GCLM: variants seen among roughly 807,000 people sequenced by gnomAD.
GCLM encodes glutamate--cysteine ligase regulatory subunit.
A neutral mutation model predicts 36.0 loss-of-function variants in GCLM; 15 were observed. The observed-to-expected ratio is 0.42, with a 90% CI of 0.28 to 0.64. GCLM has a LOEUF of 0.64. Ranked by LOEUF, GCLM falls within the 30% of genes least tolerant of loss-of-function variation. The pLI, the probability that GCLM is intolerant of heterozygous loss-of-function variation, is 0.25. For missense variants in GCLM, 242 were observed against 325.5 expected, an observed-to-expected ratio of 0.74 and a Z score of 1.97; for synonymous variants, 129 against 122.8, an observed-to-expected ratio of 1.05 and a Z score of -0.34.
rs1656431443 is a variant in GCLM at position 93,889,092 on chromosome 1, C to T, written c.723G>A (p.Glu241=). The T allele has an allele frequency of 3.1e-6, 5 of 1,602,382 alleles. No homozygotes were observed. The highest frequency in any genetic ancestry group is 4.3e-6 in the Non-Finnish European group (5 of 1,174,434). ...QESIPDIQAH[E]WVPLWLLRYS... ...ACCGCAGTAGCCACAGCGGCACCCA[C>T]TCGTGCGCTTGAATGTCAGGAATGC... is the stretch of plus-strand genomic sequence containing the variant. The change falls in exon 7 of 7, where the codon GAG becomes GAA. Residue 241 remains glutamate (E), a synonymous_variant. Coordinates refer to ENST00000370238, the MANE Select transcript of GCLM (RefSeq NM_002061.4).
At chr1:93,903,474 C>CTTT (rs376727900) in intron 2 of GCLM, among the ~76,000 whole-genome samples, 89 of 131,630 alleles carry the variant, frequency 6.8e-4, no homozygotes, top group African/African-American at 1.4e-3. Context: ...CCACGCCTGG[C>CTTT]TTTTTTTTTT....
In GCLM at chr1:93,895,447, A is replaced by T. The variant is rs546341837; in HGVS notation, c.541-719T>A. Among the ~76,000 whole-genome samples the T allele has an allele frequency of 5.3e-5, 8 of 152,360 alleles. No homozygotes were observed. The South Asian group carries it at 1.7e-3, about 32-fold the overall frequency. ...CAGCTACAGAGCAAATAGTTCTTAA[A>T]GGTAAAGGATCAAATACAAGTAAAT... On this transcript the variant is annotated intron_variant, in intron 5 of 6. Transcript: ENST00000370238.
chr1:93,899,940 G>A (rs933425157), intron 3 of GCLM, among the ~76,000 whole-genome samples: 3 of 151,934 alleles, frequency 2.0e-5, no homozygotes, highest in African/African-American at 7.3e-5. Flanking sequence ...AGTAGCAGAA[G>A]AGCAACAAAA....
intron 1 of GCLM, among the ~76,000 whole-genome samples, chr1:93,907,240 A>G (rs1437591722): frequency 6.6e-6 from 1 of 152,152 alleles, no homozygotes; most frequent in East Asian, 1.9e-4. Context: ...CATTCCTTCA[A>G]GTTTTCCTGA....
chr1:93,907,383 C>T (rs1657181824), intron 1 of GCLM, among the ~76,000 whole-genome samples: 3 of 152,132 alleles, frequency 2.0e-5, no homozygotes, highest in African/African-American at 7.2e-5. Context: ...AAGAAATCAA[C>T]ATTTTAAAAA....
chr1:93,892,642 C>T (rs1357109504), intron 6 of GCLM, among the ~76,000 whole-genome samples: 6 of 152,014 alleles, frequency 3.9e-5, no homozygotes, highest in South Asian at 4.1e-4. Context: ...TTATGTAATA[C>T]AAAAAATATA....
chr1:93,894,601 A>G lies in GCLM; in HGVS notation c.655+13T>C, dbSNP rs1407604805. The G allele has an allele frequency of 2.3e-6, 3 of 1,299,550 alleles. No homozygotes were observed. Among genetic ancestry groups the G allele is most frequent in the Non-Finnish European group, 3.3e-6 (3 of 895,526 alleles). The allele number at this position is 1,299,550 out of a possible 1,614,324, so 80.5% of individuals were successfully genotyped here. On this transcript the variant is annotated intron_variant, in intron 6 of 6. Coordinates refer to ENST00000370238, the MANE Select transcript of GCLM (RefSeq NM_002061.4). ...CTTATGATCAATCTCTATAATGAAA[A>G]TATCAGTTTTACCTTTTGGATCATT...
intron 1 of GCLM, among the ~76,000 whole-genome samples, chr1:93,907,662 T>C (rs1657193812): frequency 2.0e-5 from 3 of 152,214 alleles, no homozygotes; most frequent in African/African-American, 7.2e-5. Flanking sequence ...TAAGAGTCTA[T>C]GTACCGAATA....
intron 6 of GCLM, among the ~76,000 whole-genome samples, 169 bp from the exon 7 acceptor site, chr1:93,889,328 A>C (rs1461844759): frequency 6.6e-6 from 1 of 152,016 alleles, no homozygotes; most frequent in African/African-American, 2.4e-5. Flanking sequence ...GAATATTAGA[A>C]ATTCCCAGGC....
At chr1:93,907,560 T>C (rs373019148) in intron 1 of GCLM, among the ~76,000 whole-genome samples, 190 of 152,334 alleles carry the variant, frequency 1.2e-3, no homozygotes, top group Middle Eastern at 3.4e-3. Context: ...CTTTAGAGTA[T>C]GCTATTGTGA....
chr1:93,909,182 G>C lies in GCLM; in HGVS notation c.-19C>G. 8.1e-7 allele frequency: 1 copy of C among 1,239,900 alleles called. No individual in the cohort carries two copies. 76.8% of individuals were successfully genotyped at this position (1,239,900 alleles called of 1,614,324 possible). A position where few individuals can be genotyped will look rare whatever the true frequency, so the allele number is the denominator to read the frequency against. On this transcript the variant is annotated 5_prime_UTR_variant, in exon 1 of 7. Transcript: ENST00000370238. The stretch of plus-strand genomic sequence containing the variant: ...TGCCCATGGCAGCGGCCGCCCAGGG[G>C]CCGCGCAGCGAAGGGGCTGCGGGCG...
chr1:93,890,551 C>T (rs1158235493), intron 6 of GCLM, among the ~76,000 whole-genome samples: 1 of 152,030 alleles, frequency 6.6e-6, no homozygotes, highest in Non-Finnish European at 1.5e-5. Context: ...ATATTTGTAC[C>T]AGCAATGCTT....
intron 3 of GCLM, among the ~76,000 whole-genome samples, chr1:93,900,254 T>C (rs1402196822): frequency 6.6e-6 from 1 of 152,190 alleles, no homozygotes; most frequent in Admixed American, 6.5e-5. Context: ...CCATCTGAAA[T>C]GGCCTCTTCT....
chr1:93,908,799 A>G (rs962756193), intron 1 of GCLM: 20 of 325,816 alleles, frequency 6.1e-5, no homozygotes, highest in African/African-American at 4.1e-4. Context: ...GCACCGAGAG[A>G]GGTGTCACTC....
At chr1:93,890,199 C>T (rs1429719292) in intron 6 of GCLM, among the ~76,000 whole-genome samples, 1 of 151,990 alleles carries the variant, frequency 6.6e-6, no homozygotes. Context: ...TGTGAGCCAC[C>T]GTGCCCGGCC....
intron 6 of GCLM, among the ~76,000 whole-genome samples, chr1:93,890,060 C>A (rs2100904810): frequency 6.6e-6 from 1 of 151,944 alleles, no homozygotes; most frequent in East Asian, 1.9e-4. Context: ...TACAGGCATG[C>A]ACCACCATGC....
At chr1:93,889,993 C>A (rs191597409) in intron 6 of GCLM, among the ~76,000 whole-genome samples, 1 of 151,588 alleles carries the variant, frequency 6.6e-6, no homozygotes, top group African/African-American at 2.4e-5. Flanking sequence ...CCCACTGCAA[C>A]CTCCACCTCC....
intron 6 of GCLM, among the ~76,000 whole-genome samples, chr1:93,889,478 A>G (rs542500907): frequency 4.6e-5 from 7 of 152,220 alleles, no homozygotes; most frequent in Admixed American, 2.0e-4. Context: ...AGGAAAGTCT[A>G]AAGAAAAAAA....
At chr1:93,892,476 T>C (rs1353426275) in intron 6 of GCLM, among the ~76,000 whole-genome samples, 1 of 152,198 alleles carries the variant, frequency 6.6e-6, no homozygotes, top group African/African-American at 2.4e-5. Context: ...AATTTAATTA[T>C]GGTTGAACTC....
Sources: allele counts gnomAD v4.1 joint callset (sites outside exome capture counted in the v4.1 genomes callset), GRCh38; gene constraint gnomAD v4.1.1; transcripts MANE v1.5; gene names NCBI Gene and HGNC (gene_info 2026-07-23, HGNC 2026-07-21).